Variants in HCN1 observed in about 807,000 individuals in gnomAD.
The protein encoded by HCN1 is hyperpolarization activated cyclic nucleotide gated potassium channel 1.
Under a neutral mutation model 78.9 loss-of-function variants are expected in HCN1, and 13 were observed. The observed-to-expected ratio is 0.16, with a 90% CI of 0.11 to 0.26. The LOEUF (loss-of-function observed/expected upper bound fraction) is 0.26. HCN1 is among the 10% of genes least tolerant of loss of function. The pLI, the probability that HCN1 is intolerant of heterozygous loss-of-function variation, is 1.00. For missense variants in HCN1, 810 were observed against 1,154.3 expected, an observed-to-expected ratio of 0.70 and a Z score of 4.32; for synonymous variants, 552 against 455.5, an observed-to-expected ratio of 1.21 and a Z score of -2.70.
intron 6 of HCN1, among the ~76,000 whole-genome samples, chr5:45,271,183 C>T (rs1041248661): frequency 1.3e-5 from 2 of 152,074 alleles, no homozygotes; most frequent in Non-Finnish European, 2.9e-5. Context: ...TACTGTTCAG[C>T]AAATCTTACC....
chr5:45,591,994 TA>T (rs1744374668), intron 2 of HCN1, among the ~76,000 whole-genome samples: 2 of 149,788 alleles, frequency 1.3e-5, no homozygotes, highest in South Asian at 2.1e-4. Flanking sequence ...CTAGATAGAT[TA>T]TTTTTTTTTT....
rs1181127349 is a variant in HCN1, at chr5:45,303,750, G to A, written c.1467C>T (p.Ser489=). ...ADPNFVTAML[S]KLRFEVFQPG... ...GTTGAAACACCTCAAATCTCAACTTGCTCAGCATGGCAGTCACAAAATTAG... is the reference window on the plus strand; with the variant it reads ...GTTGAAACACCTCAAATCTCAACTTACTCAGCATGGCAGTCACAAAATTAG... Residue 489 remains serine, a synonymous_variant, in exon 6 of 8, where the codon AGC becomes AGT. Transcript: ENST00000303230. 1 of 1,613,582 alleles carries A rather than the reference G, an allele frequency of 6.2e-7. No individual in the cohort carries two copies. The highest frequency in any genetic ancestry group is 1.7e-5 in the Admixed American group (1 of 59,900).
chr5:45,266,899 G>A (rs1192287360), intron 7 of HCN1, among the ~76,000 whole-genome samples, 190 bp downstream of exon 7: 1 of 152,038 alleles, frequency 6.6e-6, no homozygotes, highest in Non-Finnish European at 1.5e-5. Flanking sequence ...AGTAGAGACA[G>A]GGTTTCACCA....
At chr5:45,497,496 T>A (rs1354375041) in intron 2 of HCN1, among the ~76,000 whole-genome samples, 1 of 152,214 alleles carries the variant, frequency 6.6e-6, no homozygotes, top group Non-Finnish European at 1.5e-5. Flanking sequence ...TGGTTTAAAG[T>A]CTGTTTTATC....
At chr5:45,654,329 A>C (rs1291588782) in intron 1 of HCN1, among the ~76,000 whole-genome samples, 1 of 152,162 alleles carries the variant, frequency 6.6e-6, no homozygotes, top group East Asian at 1.9e-4. Flanking sequence ...CTTAATTTAA[A>C]TTATTTAGAA....
chr5:45,406,483 G>A (rs977178934), intron 3 of HCN1, among the ~76,000 whole-genome samples: 3 of 152,176 alleles, frequency 2.0e-5, no homozygotes, highest in Admixed American at 6.5e-5. Context: ...AAATGCAAAC[G>A]TTGGAAAAAT....
rs1739776372 is a variant in HCN1, at chr5:45,400,691, G to GC, written c.1012-3982dup. Among the ~76,000 whole-genome samples, 4 of 152,222 alleles carry GC rather than the reference G, an allele frequency of 2.6e-5. No homozygotes were observed. The South Asian group carries it at 8.3e-4, about 32-fold the overall frequency. ...TAAAGTGCTGGGATTACAGGCATGA[G>GC]CCACTGTGCCCAGCCTAAGAATGCT... On this transcript the variant is annotated intron_variant, in intron 3 of 7. Coordinates refer to ENST00000303230, the MANE Select transcript of HCN1 (RefSeq NM_021072.4).
intron 5 of HCN1, 105 bp from the exon 6 acceptor site, chr5:45,303,944 A>C: frequency 9.8e-7 from 1 of 1,018,058 alleles, no homozygotes; most frequent in South Asian, 1.4e-5. Flanking sequence ...TGTAATTTAA[A>C]TTTAGATACA....
intron 4 of HCN1, among the ~76,000 whole-genome samples, chr5:45,360,809 A>G (rs921540398): frequency 6.6e-6 from 1 of 152,148 alleles, no homozygotes; most frequent in Non-Finnish European, 1.5e-5. Flanking sequence ...GAGGGAAAGC[A>G]GATGGTTTAG....
intron 1 of HCN1, among the ~76,000 whole-genome samples, chr5:45,680,967 C>G (rs1010685878): frequency 2.6e-5 from 4 of 152,010 alleles, no homozygotes; most frequent in Admixed American, 2.0e-4. Context: ...TGCTATTACC[C>G]TGGTAGTCTT....
intron 4 of HCN1, among the ~76,000 whole-genome samples, chr5:45,371,256 G>C (rs1359605118): frequency 6.6e-6 from 1 of 151,986 alleles, no homozygotes; most frequent in Non-Finnish European, 1.5e-5. Flanking sequence ...AAAGCTAGCA[G>C]ACAGGAAATA....
At chr5:45,371,045 A>T (rs1449791657) in intron 4 of HCN1, among the ~76,000 whole-genome samples, 2 of 152,070 alleles carry the variant, frequency 1.3e-5, no homozygotes, top group Non-Finnish European at 2.9e-5. Flanking sequence ...TGGGACATAT[A>T]TTGGGTAAAC....
At chr5:45,616,057 T>C (rs1398640848) in intron 2 of HCN1, among the ~76,000 whole-genome samples, 1 of 150,396 alleles carries the variant, frequency 6.6e-6, no homozygotes, top group Non-Finnish European at 1.5e-5. Flanking sequence ...ATTTGGTATA[T>C]AACAATGTTT....
chr5:45,540,077 G>A lies in HCN1; in HGVS notation c.850-78070C>T, dbSNP rs185266477. On this transcript the variant is annotated intron_variant, in intron 2 of 7. Coordinates refer to ENST00000303230, the MANE Select transcript of HCN1 (RefSeq NM_021072.4). ...AATAAATGCTGTAAAAAACATCTTT[G>A]CAAATAGTGCTATTTATCTCTTTTG... Among the ~76,000 whole-genome samples, 46 of 150,924 alleles carry A rather than the reference G, an allele frequency of 3.0e-4. No homozygotes were observed. In the East Asian group the frequency reaches 7.2e-3, roughly 24 times the overall value.
intron 4 of HCN1, among the ~76,000 whole-genome samples, chr5:45,392,315 C>A (rs1052689901): frequency 2.6e-5 from 4 of 151,892 alleles, no homozygotes; most frequent in African/African-American, 9.7e-5. Flanking sequence ...TGATTATGGG[C>A]CTTCATTTAC....
At chr5:45,686,973 C>T in intron 1 of HCN1, among the ~76,000 whole-genome samples, 1 of 151,588 alleles carries the variant, frequency 6.6e-6, no homozygotes, top group Admixed American at 6.6e-5. Flanking sequence ...TAATAACTTT[C>T]TAAGAAAGGG....
At chr5:45,327,729 C>A (rs577792071) in intron 5 of HCN1, among the ~76,000 whole-genome samples, 1 of 151,462 alleles carries the variant, frequency 6.6e-6, no homozygotes, top group African/African-American at 2.4e-5. Flanking sequence ...GGGCCATAAT[C>A]CAATCTGACT....
At chr5:45,458,622 A>G (rs1741072822) in intron 3 of HCN1, among the ~76,000 whole-genome samples, 1 of 152,070 alleles carries the variant, frequency 6.6e-6, no homozygotes, top group Non-Finnish European at 1.5e-5. Context: ...ACCTTCCTTA[A>G]CTGTTCTTTA....
intron 4 of HCN1, among the ~76,000 whole-genome samples, chr5:45,354,358 G>A (rs956948381): frequency 1.3e-5 from 2 of 151,814 alleles, no homozygotes; most frequent in African/African-American, 2.4e-5. Context: ...TGACAGCATC[G>A]AGTACAAATT....
Sources: gnomAD v4.1 joint callset for allele counts (sites outside exome capture counted in the v4.1 genomes callset) on GRCh38, gnomAD v4.1.1 for gene constraint, MANE v1.5 for transcripts, NCBI Gene and HGNC (gene_info 2026-07-23, HGNC 2026-07-21) for gene names.